DAB1: variants seen among roughly 807,000 people sequenced by gnomAD.
DAB1 encodes DAB adaptor protein 1, also known as disabled homolog 1.
A neutral mutation model predicts 64.6 loss-of-function variants in DAB1; 15 were observed. That is an observed-to-expected ratio of 0.23 (90% CI 0.16 to 0.36). DAB1 has a LOEUF of 0.36. Among genes scored for constraint, DAB1 ranks in the 10% least tolerant of loss-of-function variants. The pLI, the probability that DAB1 is intolerant of heterozygous loss-of-function variation, is 1.00. For synonymous variants in DAB1, 235 were observed against 251.9 expected, an observed-to-expected ratio of 0.93 and a Z score of 0.64; for missense variants, 596 against 706.7, an observed-to-expected ratio of 0.84 and a Z score of 1.78.
intron 7 of DAB1, among the ~76,000 whole-genome samples, chr1:57,581,595 G>C (rs575922580): frequency 2.0e-4 from 30 of 151,852 alleles, no homozygotes; most frequent in African/African-American, 7.2e-4. Context: ...GAATTGTGGT[G>C]AGATATACAT....
At chr1:58,485,427 A>G (rs1371332648) in intron 3 of DAB1, among the ~76,000 whole-genome samples, 2 of 151,912 alleles carry the variant, frequency 1.3e-5, no homozygotes, top group East Asian at 3.9e-4. Context: ...TTTAATTGCT[A>G]GAAACACTAT....
intron 6 of DAB1, among the ~76,000 whole-genome samples, chr1:57,783,085 T>TTCTC (rs71051259): frequency 2.3e-5 from 3 of 129,132 alleles, no homozygotes; most frequent in East Asian, 2.4e-4. Flanking sequence ...CCTTCTTTCT[T>TTCTC]TCTCTCTCTC....
intron 6 of DAB1, among the ~76,000 whole-genome samples, chr1:57,763,699 C>G (rs549014570): frequency 3.9e-5 from 6 of 152,070 alleles, no homozygotes; most frequent in Non-Finnish European, 7.4e-5. Context: ...TAATTAATTG[C>G]AGGCCACACC....
At chr1:58,014,114 G>A (rs1282053161) in intron 5 of DAB1, among the ~76,000 whole-genome samples, 1 of 152,010 alleles carries the variant, frequency 6.6e-6, no homozygotes, top group East Asian at 1.9e-4. Flanking sequence ...ACTCCAAAGT[G>A]GAAAATAAAG....
intron 6 of DAB1, among the ~76,000 whole-genome samples, chr1:57,748,059 C>G (rs1648370570): frequency 6.6e-6 from 1 of 152,106 alleles, no homozygotes; most frequent in Non-Finnish European, 1.5e-5. Context: ...CCAGGCACTG[C>G]TCAAGGCAAT....
intron 5 of DAB1, among the ~76,000 whole-genome samples, chr1:57,934,364 T>C (rs1380257475): frequency 2.6e-5 from 4 of 152,008 alleles, no homozygotes; most frequent in African/African-American, 9.7e-5. Flanking sequence ...TTTCAGGGAG[T>C]TATATTTCTA....
chr1:58,446,501 C>A (rs1042266167), intron 3 of DAB1, among the ~76,000 whole-genome samples: 6 of 152,122 alleles, frequency 3.9e-5, no homozygotes, highest in African/African-American at 1.2e-4. Flanking sequence ...CAGGGACCTT[C>A]CTATTTACTG....
chr1:58,489,482 G>C (rs1645637846), intron 3 of DAB1, among the ~76,000 whole-genome samples: 2 of 152,204 alleles, frequency 1.3e-5, no homozygotes, highest in Non-Finnish European at 2.9e-5. Context: ...AGCTCAAGGA[G>C]GCCTGCCTGC....
chr1:57,487,496 G>T (rs978470805), intron 7 of DAB1, among the ~76,000 whole-genome samples: 1 of 152,152 alleles, frequency 6.6e-6, no homozygotes, highest in Non-Finnish European at 1.5e-5. Flanking sequence ...GTGAAGATCT[G>T]CTCTAGTTCT....
chr1:57,687,831 T>G (rs1177544236), intron 6 of DAB1, among the ~76,000 whole-genome samples: 1 of 152,052 alleles, frequency 6.6e-6, no homozygotes, highest in Non-Finnish European at 1.5e-5. Context: ...GAATCTCTAT[T>G]AAATAAATGT....
intron 4 of DAB1, among the ~76,000 whole-genome samples, chr1:57,097,343 G>A (rs1421952920): frequency 6.6e-6 from 1 of 152,154 alleles, no homozygotes; most frequent in Non-Finnish European, 1.5e-5. Context: ...GGCCACTCAT[G>A]CACAGAGTCA....
intron 7 of DAB1, among the ~76,000 whole-genome samples, chr1:57,541,654 A>C (rs987423946): frequency 3.0e-4 from 46 of 152,222 alleles, no homozygotes; most frequent in Admixed American, 1.2e-3. Context: ...AGATGTAACA[A>C]AATGGGTTTT....
chr1:58,469,771 G>A (rs924251839), intron 3 of DAB1, among the ~76,000 whole-genome samples: 15 of 152,166 alleles, frequency 9.9e-5, no homozygotes, highest in African/African-American at 3.1e-4. Context: ...TCTCTCTGCC[G>A]GAGCCATTTC....
upstream of DAB1, among the ~76,000 whole-genome samples, chr1:57,425,262 A>G (rs1685238030): frequency 6.6e-6 from 1 of 152,146 alleles, no homozygotes; most frequent in East Asian, 1.9e-4. Context: ...TTCCTTAAAA[A>G]GTTTACCGTT....
At chr1:58,387,951 TCTC>T (rs1644447448) in intron 3 of DAB1, among the ~76,000 whole-genome samples, 1 of 152,056 alleles carries the variant, frequency 6.6e-6, no homozygotes, top group African/African-American at 2.4e-5. Context: ...ATGGTCTTTA[TCTC>T]CTGACCTCAT....
chr1:57,782,689 C>T (rs937774207), intron 6 of DAB1, among the ~76,000 whole-genome samples: 6 of 152,068 alleles, frequency 3.9e-5, no homozygotes, highest in African/African-American at 1.4e-4. Flanking sequence ...ATCTTGGGTG[C>T]TTTTAAATTT....
chr1:57,812,069 T>C (rs1046399951), intron 6 of DAB1, among the ~76,000 whole-genome samples: 1 of 152,024 alleles, frequency 6.6e-6, no homozygotes, highest in Non-Finnish European at 1.5e-5. Flanking sequence ...ATTTAGGAAA[T>C]AGAATTTCCT....
At chr1:57,354,307 C>T (rs1369098525) in intron 1 of DAB1, among the ~76,000 whole-genome samples, 3 of 152,120 alleles carry the variant, frequency 2.0e-5, no homozygotes, top group Admixed American at 6.5e-5. Flanking sequence ...TGCCTTGAAC[C>T]TACTTCCAAG....
intron 3 of DAB1, among the ~76,000 whole-genome samples, chr1:58,485,056 G>T (rs1645550841): frequency 6.6e-6 from 1 of 151,958 alleles, no homozygotes; most frequent in African/African-American, 2.4e-5. Flanking sequence ...GGGTGATAAT[G>T]ATGGGTCAAC....
Sources: allele counts gnomAD v4.1 joint callset (sites outside exome capture counted in the v4.1 genomes callset), GRCh38; gene constraint gnomAD v4.1.1; transcripts MANE v1.5; gene names NCBI Gene and HGNC (gene_info 2026-07-23, HGNC 2026-07-21).